Variants in ADK observed in about 807,000 individuals in gnomAD.
The protein encoded by ADK is adenosine kinase, also known as N6,N6-dimethyladenosine kinase.
ADK carries 24 observed loss-of-function variants against 44.7 expected under a neutral mutation model. The ratio of observed to expected loss-of-function variants is 0.54; its 90% CI spans 0.39 to 0.76. The LOEUF is 0.76. Ranked by LOEUF, ADK falls within the 30% of genes least tolerant of loss-of-function variation. The pLI, the probability that ADK is intolerant of heterozygous loss-of-function variation, is 0.00. For missense variants in ADK, 321 were observed against 425.1 expected (o/e 0.76, Z 2.15); for synonymous variants, 128 against 142.6 (o/e 0.90, Z 0.73).
intron 10 of ADK, among the ~76,000 whole-genome samples, chr10:74,694,171 T>TTTTTG (rs1554898854): frequency 7.1e-6 from 1 of 141,338 alleles, no homozygotes; most frequent in Non-Finnish European, 1.5e-5. Flanking sequence ...TTTTTTTTTT[T>TTTTTG]ACTATTTTGA....
intron 4 of ADK, among the ~76,000 whole-genome samples, chr10:74,345,577 G>T (rs548978288): frequency 2.6e-5 from 4 of 152,176 alleles, no homozygotes; most frequent in African/African-American, 9.6e-5. Flanking sequence ...CAAAGTGCTG[G>T]GTTTACAGAT....
intron 7 of ADK, among the ~76,000 whole-genome samples, chr10:74,585,832 AGCACAGATGGGGACTT>A (rs1428101211): frequency 6.6e-6 from 1 of 152,244 alleles, no homozygotes; most frequent in African/African-American, 2.4e-5. Context: ...GCCCTGGGGC[AGCACAGATGGGGACTT>A]GCTTGTTTTC....
intron 9 of ADK, among the ~76,000 whole-genome samples, chr10:74,610,560 C>T (rs1223390339): frequency 6.6e-6 from 1 of 152,064 alleles, no homozygotes; most frequent in Non-Finnish European, 1.5e-5. Context: ...TAAAATGTTA[C>T]ATTTTATGTA....
chr10:74,457,177 C>T (rs866330529), intron 6 of ADK, among the ~76,000 whole-genome samples: 3 of 152,172 alleles, frequency 2.0e-5, no homozygotes, highest in Middle Eastern at 3.2e-3. Flanking sequence ...GAAGTACAAA[C>T]TACCATCAGA....
At chr10:74,592,214 C>T (rs1851750232) in intron 8 of ADK, among the ~76,000 whole-genome samples, 1 of 151,922 alleles carries the variant, frequency 6.6e-6, no homozygotes, top group Non-Finnish European at 1.5e-5. Context: ...GACAGACCTG[C>T]TAAGAATTTA....
At chr10:74,659,371 T>C (rs1589343633) in intron 9 of ADK, among the ~76,000 whole-genome samples, 2 of 152,370 alleles carry the variant, frequency 1.3e-5, no homozygotes, top group South Asian at 2.1e-4. Context: ...TATGTTTACA[T>C]TCAGAACTGA....
Position 74,554,971 on chromosome 10 carries a change from G to A in ADK, c.726+29545G>A, listed in dbSNP as rs1445084016. ...TGACTACAGGTTTAAGATATAATGTGAAATTTGGAATAGATTTTAACTTTT... is the reference window on the plus strand; with the variant it reads ...TGACTACAGGTTTAAGATATAATGTAAAATTTGGAATAGATTTTAACTTTT... On this transcript the variant is annotated intron_variant, in intron 7 of 10. Coordinates refer to ENST00000539909, the MANE Select transcript of ADK (RefSeq NM_006721.4). Among the ~76,000 whole-genome samples, 3 of 152,024 alleles carry A rather than the reference G, an allele frequency of 2.0e-5. No individual in the cohort carries two copies. The East Asian group carries it at 5.8e-4, about 29-fold the overall frequency.
At chr10:74,327,563 A>G (rs989633185) in intron 4 of ADK, among the ~76,000 whole-genome samples, 1 of 152,100 alleles carries the variant, frequency 6.6e-6, no homozygotes, top group Non-Finnish European at 1.5e-5. Context: ...TTCTGTCTGG[A>G]TAATGTTTCT....
chr10:74,245,496 C>T (rs971117456), intron 3 of ADK, among the ~76,000 whole-genome samples: 4 of 151,838 alleles, frequency 2.6e-5, no homozygotes, highest in African/African-American at 9.7e-5. Context: ...GTAGATGACC[C>T]TATATATTTT....
intron 10 of ADK, among the ~76,000 whole-genome samples, chr10:74,688,184 G>A (rs1163539611): frequency 3.3e-5 from 5 of 152,158 alleles, no homozygotes; most frequent in Admixed American, 6.5e-5. Flanking sequence ...CTCTTTAAAA[G>A]TCAACTCTTC....
At chr10:74,307,204 T>C (rs575253226) in intron 3 of ADK, among the ~76,000 whole-genome samples, 1 of 152,368 alleles carries the variant, frequency 6.6e-6, no homozygotes, top group Non-Finnish European at 1.5e-5. Flanking sequence ...CTTTTCTTGT[T>C]CTGTCTTTGT....
chr10:74,567,667 T>TTC (rs1052029556), intron 7 of ADK, among the ~76,000 whole-genome samples: 6 of 151,458 alleles, frequency 4.0e-5, no homozygotes, highest in African/African-American at 1.5e-4. Context: ...ATTTCTTTTG[T>TTC]TCTCTCTCTC....
intron 4 of ADK, chr10:74,371,934 C>G: frequency 7.6e-7 from 1 of 1,313,406 alleles, no homozygotes; most frequent in Non-Finnish European, 1.1e-6. Flanking sequence ...CCACCAGCCT[C>G]TCACAGAGGC....
intron 6 of ADK, among the ~76,000 whole-genome samples, chr10:74,437,772 A>G (rs1401720324): frequency 6.6e-6 from 1 of 152,222 alleles, no homozygotes; most frequent in Non-Finnish European, 1.5e-5. Flanking sequence ...ATGGCTGCCA[A>G]TGATTGCTCA....
At chr10:74,551,113 G>A (rs1434973302) in intron 7 of ADK, among the ~76,000 whole-genome samples, 2 of 152,122 alleles carry the variant, frequency 1.3e-5, no homozygotes, top group Admixed American at 1.3e-4. Context: ...ATAGACAAAG[G>A]ATAGAAAACA....
chr10:74,468,943 C>G (rs931610288), intron 6 of ADK, among the ~76,000 whole-genome samples: 2 of 151,808 alleles, frequency 1.3e-5, no homozygotes, highest in Admixed American at 6.6e-5. Flanking sequence ...ATAATCTAGA[C>G]AAGGGGTGTG....
At position 74,586,866 on chromosome 10, in the gene ADK, A is replaced by AT. The variant is rs1268828368; in HGVS notation, c.727-2416_727-2415insT. On this transcript the variant is annotated intron_variant, in intron 7 of 10. Transcript: ENST00000539909. ...CAAAGCTCTGTCTCAAAAAAAAAAA[A>AT]AAATATATATGTATATATATACACA... is the stretch of plus-strand genomic sequence containing the variant. Among the ~76,000 whole-genome samples the AT allele has an allele frequency of 4.0e-3, 604 of 151,038 alleles. 1 individual carries two copies. Among genetic ancestry groups the AT allele is most frequent in the African/African-American group, 9.8e-3 (397 of 40,632 alleles).
intron 10 of ADK, among the ~76,000 whole-genome samples, chr10:74,678,444 A>G (rs1462575742): frequency 1.3e-5 from 2 of 152,224 alleles, no homozygotes; most frequent in African/African-American, 4.8e-5. Context: ...ATACAGGATG[A>G]TTTTAGAGTG....
intron 6 of ADK, among the ~76,000 whole-genome samples, chr10:74,425,403 T>G (rs1844754836): frequency 6.6e-6 from 1 of 152,170 alleles, no homozygotes; most frequent in Admixed American, 6.5e-5. Flanking sequence ...GGATCCCAAC[T>G]TTATGTGGAG....
Sources: allele counts gnomAD v4.1 joint callset (sites outside exome capture counted in the v4.1 genomes callset), GRCh38; gene constraint gnomAD v4.1.1; transcripts MANE v1.5; gene names NCBI Gene and HGNC (gene_info 2026-07-23, HGNC 2026-07-21).